BRD8: variants seen among roughly 807,000 people sequenced by gnomAD.
The protein encoded by BRD8 is bromodomain-containing protein 8.
A neutral mutation model predicts 143.1 loss-of-function variants in BRD8; 67 were observed. The observed-to-expected ratio is 0.47, with a 90% CI of 0.38 to 0.57. The LOEUF (loss-of-function observed/expected upper bound fraction) is 0.57, where lower values mean the gene tolerates loss of function less well. Ranked by LOEUF, BRD8 falls within the 20% of genes least tolerant of loss-of-function variation. BRD8 has a pLI of 0.00. For synonymous variants in BRD8, 505 were observed against 517.1 expected (o/e 0.98, Z 0.32); for missense variants, 1,103 against 1,503.0 (o/e 0.73, Z 4.40).
chr5:138,155,285 A>G (rs217274), intron 20 of BRD8, among the ~76,000 whole-genome samples: 44,241 of 151,040 alleles, frequency 0.29, 7,440 homozygotes, highest in South Asian at 0.43. Flanking sequence ...CACCTCTACT[A>G]AAGAAACCAC....
At chr5:138,165,284 T>C (rs1446788227) in intron 11 of BRD8, 118 bp from the exon 12 acceptor site, 12 of 1,110,154 alleles carry the variant, frequency 1.1e-5, no homozygotes, top group African/African-American at 4.8e-5. Flanking sequence ...TTTTTCCATG[T>C]AGTGGAGGCA....
At chr5:138,148,701 C>G (rs764723488) in intron 23 of BRD8, among the ~76,000 whole-genome samples, 19 of 151,960 alleles carry the variant, frequency 1.3e-4, no homozygotes, top group Non-Finnish European at 1.0e-4. Context: ...TTTTTTTATC[C>G]TCTTCCTTGT....
At chr5:138,145,323 G>A in intron 24 of BRD8, 78 bp from the exon 25 acceptor site, 1 of 1,305,582 alleles carries the variant, frequency 7.7e-7, no homozygotes, top group Non-Finnish European at 1.1e-6. Flanking sequence ...TCAGTTCTTA[G>A]TAGACTTCCT....
chr5:138,165,988 C>T lies in BRD8; in HGVS notation c.1118G>A (p.Arg373Gln), dbSNP rs757387442. The T allele has an allele frequency of 1.2e-5, 20 of 1,614,042 alleles. No individual in the cohort carries two copies. Among genetic ancestry groups the T allele is most frequent in the Non-Finnish European group, 1.7e-5 (20 of 1,180,042 alleles). ...AACAGGAGCCTCTGCTACCCCTGAT[C>T]GAAAACACTCTTCTTTGATAGAATT... Reference protein sequence around the residue: ...IINSIKEECFRSGVAEAPVGS... With the variant: ...IINSIKEECFQSGVAEAPVGS... The change falls in exon 11 of 27, where the codon CGA (arginine) becomes CAA (glutamine). Residue 373 changes from arginine (R) to glutamine (Q), a missense_variant. This residue lies in a region of BRD8 where 334 missense variants were observed against 372.5 expected (regional missense o/e 0.90). Transcript: ENST00000254900.
chr5:138,166,478 A>G, intron 10 of BRD8, 40 bp downstream of exon 10: 3 of 1,421,668 alleles, frequency 2.1e-6, no homozygotes, highest in Non-Finnish European at 2.9e-6. Flanking sequence ...ACTAAAGCTC[A>G]AAATGAAATT....
chr5:138,140,602 T>G (rs1751864008), intron 26 of BRD8, 103 bp downstream of exon 26: 2 of 1,369,386 alleles, frequency 1.5e-6, no homozygotes, highest in Non-Finnish European at 1.0e-6. Context: ...TTAATCACCT[T>G]TAAAAATAAA....
At chr5:138,175,631 A>G (rs771677750) in intron 2 of BRD8, among the ~76,000 whole-genome samples, 5 of 151,710 alleles carry the variant, frequency 3.3e-5, no homozygotes, top group Admixed American at 6.6e-5. Flanking sequence ...CTTGAGGCCA[A>G]GAGTTGGAGA....
chr5:138,174,992 C>T (rs1039287373), intron 2 of BRD8, among the ~76,000 whole-genome samples: 5 of 151,738 alleles, frequency 3.3e-5, no homozygotes, highest in Non-Finnish European at 7.4e-5. Context: ...TGGGTTCACA[C>T]CATTCTCCTG....
chr5:138,151,386 T>C (rs1752361743), intron 21 of BRD8, among the ~76,000 whole-genome samples: 1 of 152,348 alleles, frequency 6.6e-6, no homozygotes, highest in Admixed American at 6.5e-5. Flanking sequence ...CTGATCTTGA[T>C]CTAGGGTCTT....
At chr5:138,172,521 C>CAAAAAAA (rs10547758) in intron 2 of BRD8, among the ~76,000 whole-genome samples, 1 of 24,690 alleles carries the variant, frequency 4.1e-5, no homozygotes, top group African/African-American at 1.5e-4. Flanking sequence ...GACTCCATCT[C>CAAAAAAA]AAAAAAAAAA....
In BRD8 at chr5:138,152,582, C is replaced by G. The variant is rs1157148212; in HGVS notation, c.2756G>C (p.Arg919Thr). 2 of 1,614,220 alleles carry G rather than the reference C, an allele frequency of 1.2e-6. No homozygotes were observed. Among genetic ancestry groups the G allele is most frequent in the East Asian group, 2.2e-5 (1 of 44,884 alleles). The change falls in exon 21 of 27, where the codon AGA becomes ACA. Residue 919 changes from arginine (R) to threonine (T), a missense_variant. By Grantham distance (71) the Arg-to-Thr change is moderately conservative. Transcript: ENST00000254900. Reference sequence around the variant, plus strand: ...CCCAACAAGCAGTTCACTAGGTTCTCTCTCCGGGCTGCTTTCCTCTAGTTC... The same window carrying G: ...CCCAACAAGCAGTTCACTAGGTTCTGTCTCCGGGCTGCTTTCCTCTAGTTC... ...AEELEESSPE[R>T]EPSELLVGDG...
Position 138,177,561 on chromosome 5 carries a change from G to C in BRD8, c.116+10C>G. 13 of 1,585,906 alleles carry C rather than the reference G, an allele frequency of 8.2e-6. No homozygotes were observed. The highest frequency in any genetic ancestry group is 1.1e-5 in the Non-Finnish European group (13 of 1,156,124). The stretch of plus-strand genomic sequence containing the variant: ...AAGACCCAGAAAAGCTGACATCCTA[G>C]ATACCTTACCAATTTTGATCGCCAC... On this transcript the variant is annotated intron_variant, in intron 2 of 26. Transcript: ENST00000254900.
chr5:138,141,290 C>G (rs1016916144), intron 25 of BRD8, among the ~76,000 whole-genome samples: 2 of 152,146 alleles, frequency 1.3e-5, no homozygotes, highest in African/African-American at 4.8e-5. Flanking sequence ...CCATCATGCC[C>G]AGCTAATTTT....
intron 21 of BRD8, 104 bp downstream of exon 21, chr5:138,152,378 A>ATATTT (rs1230949233): frequency 6.9e-7 from 1 of 1,458,540 alleles, no homozygotes; most frequent in Non-Finnish European, 9.3e-7. Flanking sequence ...TGTGGAGCTT[A>ATATTT]TATTTTAGTA....
At chr5:138,159,699 G>T in intron 19 of BRD8, 100 bp from the exon 20 acceptor site, 1 of 1,161,140 alleles carries the variant, frequency 8.6e-7, no homozygotes, top group Non-Finnish European at 1.3e-6. Flanking sequence ...CACACACAAG[G>T]ACAAAATTTT....
intron 25 of BRD8, among the ~76,000 whole-genome samples, chr5:138,143,936 C>A (rs1258266782): frequency 1.3e-5 from 2 of 152,188 alleles, no homozygotes; most frequent in Admixed American, 6.5e-5. Flanking sequence ...GCAGTGGCAA[C>A]CCGCTGGAGT....
intron 25 of BRD8, among the ~76,000 whole-genome samples, chr5:138,141,722 C>G (rs1270788218): frequency 2.6e-5 from 4 of 152,138 alleles, no homozygotes; most frequent in Non-Finnish European, 5.9e-5. Flanking sequence ...TAATTTTTTT[C>G]TCCTTTCATG....
rs1218303083 is a variant in BRD8, at chr5:138,150,647, GT to G, written c.3120+97del. 7 of 1,365,548 alleles carry G rather than the reference GT, an allele frequency of 5.1e-6. No homozygotes were observed. In the African/African-American group the frequency reaches 8.7e-5, roughly 17 times the overall value. 84.6% of individuals were successfully genotyped at this position (1,365,548 alleles called of 1,614,324 possible). A position where few individuals can be genotyped will look rare whatever the true frequency, so the allele number is the denominator to read the frequency against. ...TAAATCCAGGATTTGGATCCAGGTA[GT>G]TTAACTTTCTGGAGTTAGCCTATGT... On this transcript the variant is annotated intron_variant, in intron 22 of 26. Coordinates refer to ENST00000254900, the MANE Select transcript of BRD8 (RefSeq NM_139199.2).
At position 138,159,369 on chromosome 5, in the gene BRD8, C is replaced by T. The variant is rs183753831; in HGVS notation, c.2577+186G>A. Among the ~76,000 whole-genome samples, 40 of 151,204 alleles carry T rather than the reference C, an allele frequency of 2.6e-4. 1 individual carries two copies. The highest frequency in any genetic ancestry group is 8.6e-4 in the Admixed American group (13 of 15,108). ...TCAAAAACAGTCCCTACCCAGCCCA[C>T]ACACACACACACATGCAGAAAGACA... On this transcript the variant is annotated intron_variant, in intron 20 of 26. Coordinates refer to ENST00000254900, the MANE Select transcript of BRD8 (RefSeq NM_139199.2).
Sources: allele counts gnomAD v4.1 joint callset (sites outside exome capture counted in the v4.1 genomes callset), GRCh38; gene constraint gnomAD v4.1.1; regional missense constraint gnomAD v4.1.1; transcripts MANE v1.5; gene names NCBI Gene and HGNC (gene_info 2026-07-23, HGNC 2026-07-21).